Variants in CBLB observed in about 807,000 individuals in gnomAD.
CBLB encodes E3 ubiquitin-protein ligase CBL-B.
CBLB carries 31 observed loss-of-function variants against 104.9 expected under a neutral mutation model. The ratio of observed to expected loss-of-function variants is 0.30; its 90% CI spans 0.22 to 0.40. CBLB has a LOEUF of 0.40. CBLB is among the 10% of genes least tolerant of loss of function. CBLB has a pLI of 1.00. For missense variants in CBLB, 1,062 were observed against 1,214.6 expected (o/e 0.87, Z 1.87); for synonymous variants, 440 against 422.6 (o/e 1.04, Z -0.51).
chr3:105,866,039 AAGTT>A (rs2092409831), intron 2 of CBLB, among the ~76,000 whole-genome samples: 1 of 152,210 alleles, frequency 6.6e-6, no homozygotes, highest in African/African-American at 2.4e-5. Flanking sequence ...CCCAAGCAGC[AAGTT>A]GCAATATTCT....
intron 2 of CBLB, among the ~76,000 whole-genome samples, chr3:105,854,971 T>C (rs2091423749): frequency 6.6e-6 from 1 of 152,138 alleles, no homozygotes; most frequent in Non-Finnish European, 1.5e-5. Flanking sequence ...TAAAGCCTCC[T>C]GTTGGGTGGC....
chr3:105,691,420 C>G (rs778102672), intron 13 of CBLB, among the ~76,000 whole-genome samples: 5 of 152,168 alleles, frequency 3.3e-5, no homozygotes, highest in Admixed American at 6.5e-5. Context: ...AGAAAAAATA[C>G]ATTTTACTAT....
chr3:105,810,498 C>T (rs542781994), intron 3 of CBLB, among the ~76,000 whole-genome samples: 8 of 152,142 alleles, frequency 5.3e-5, no homozygotes, highest in South Asian at 2.1e-4. Flanking sequence ...GGTTTTTGCA[C>T]GGGTATAACT....
intron 3 of CBLB, among the ~76,000 whole-genome samples, chr3:105,836,594 G>A (rs923116665): frequency 1.1e-4 from 16 of 152,066 alleles, no homozygotes; most frequent in East Asian, 3.9e-4. Flanking sequence ...GGCAAGTTTC[G>A]GAACCACAGT....
At chr3:105,668,286 T>C (rs1465384162) in intron 18 of CBLB, among the ~76,000 whole-genome samples, 1 of 152,168 alleles carries the variant, frequency 6.6e-6, no homozygotes, top group South Asian at 2.1e-4. Flanking sequence ...GTAATGCTAA[T>C]AGGGATTCAT....
At position 105,702,226 on chromosome 3, in the gene CBLB, G is replaced by A. The variant is rs745626621; in HGVS notation, c.1827C>T (p.Leu609=). ...CAGGTTTTGGAGAGCCCTCCCCTAG[G>A]AGTCGACATCCCACAAGCTGATTAG... The part of the protein sequence containing the change: ...FGTNQLVGCR[L]LGEGSPKPGI... The change falls in exon 12 of 19, where the codon CTC becomes CTT. Residue 609 remains leucine (L), a synonymous_variant. Transcript: ENST00000394030. 1 of 1,614,054 alleles carries A rather than the reference G, an allele frequency of 6.2e-7. No individual in the cohort carries two copies. The highest frequency in any genetic ancestry group is 1.3e-5 in the African/African-American group (1 of 75,004).
At chr3:105,681,355 C>T in intron 16 of CBLB, 124 bp downstream of exon 16, 1 of 925,730 alleles carries the variant, frequency 1.1e-6, no homozygotes, top group South Asian at 1.5e-5. Flanking sequence ...CTGGAGAACC[C>T]ATTCAAATTT....
At chr3:105,768,417 A>G (rs927586140) in intron 4 of CBLB, among the ~76,000 whole-genome samples, 1 of 152,224 alleles carries the variant, frequency 6.6e-6, no homozygotes, top group African/African-American at 2.4e-5. Context: ...TGAAGAACAG[A>G]ACATAAGTAA....
chr3:105,764,493 A>T (rs958790074), intron 4 of CBLB, among the ~76,000 whole-genome samples: 2 of 152,158 alleles, frequency 1.3e-5, no homozygotes, highest in Admixed American at 1.3e-4. Context: ...CCCATGTAAG[A>T]CAGCAAACTT....
intron 9 of CBLB, 135 bp from the exon 10 acceptor site, chr3:105,720,385 C>T (rs1172311547): frequency 1.3e-6 from 1 of 745,932 alleles, no homozygotes; most frequent in Non-Finnish European, 2.3e-6. Context: ...GAAGATTTCT[C>T]TTGAAGTGGT....
At chr3:105,780,084 C>CA (rs2079996225) in intron 3 of CBLB, among the ~76,000 whole-genome samples, 2 of 151,916 alleles carry the variant, frequency 1.3e-5, no homozygotes, top group East Asian at 3.9e-4. Flanking sequence ...AACTCCTGAC[C>CA]TCAGGTGATC....
intron 13 of CBLB, among the ~76,000 whole-genome samples, chr3:105,688,495 A>T (rs1380829604): frequency 6.6e-6 from 1 of 152,228 alleles, no homozygotes; most frequent in East Asian, 1.9e-4. Context: ...ATCCAATGCT[A>T]TGCTTAATTA....
At chr3:105,778,819 C>CAT (rs2079795984) in intron 3 of CBLB, among the ~76,000 whole-genome samples, 1 of 152,118 alleles carries the variant, frequency 6.6e-6, no homozygotes, top group African/African-American at 2.4e-5. Context: ...TTTATGTTAA[C>CAT]ATATCCTCAA....
chr3:105,838,082 T>C (rs978331537), intron 3 of CBLB, among the ~76,000 whole-genome samples: 1 of 80,278 alleles, frequency 1.2e-5, no homozygotes, highest in Admixed American at 1.6e-4. Context: ...TTCCTTTTTT[T>C]CTTTTTTTTT....
At chr3:105,800,679 A>C (rs564499111) in intron 3 of CBLB, among the ~76,000 whole-genome samples, 7 of 151,222 alleles carry the variant, frequency 4.6e-5, no homozygotes, top group Admixed American at 2.6e-4. Flanking sequence ...ATATACACAA[A>C]CCCCCCCACC....
At chr3:105,780,669 T>TTTG (rs2080132915) in intron 3 of CBLB, among the ~76,000 whole-genome samples, 1 of 131,770 alleles carries the variant, frequency 7.6e-6, no homozygotes, top group Admixed American at 8.0e-5. Flanking sequence ...TGTTTTTTTT[T>TTTG]TTTTTTTTTT....
chr3:105,818,590 AT>A (rs544512095), intron 3 of CBLB, among the ~76,000 whole-genome samples: 16 of 152,280 alleles, frequency 1.1e-4, no homozygotes, highest in African/African-American at 2.4e-4. Flanking sequence ...CAGCAAAAAA[AT>A]CATGAATAAT....
chr3:105,670,776 C>T (rs1259892718), intron 17 of CBLB: 1 of 181,438 alleles, frequency 5.5e-6, no homozygotes, highest in Non-Finnish European at 1.2e-5. Context: ...TATCAAATTA[C>T]TTGATCTCTC....
chr3:105,854,658 A>T (rs1024530227), intron 2 of CBLB, among the ~76,000 whole-genome samples: 2 of 150,652 alleles, frequency 1.3e-5, no homozygotes, highest in African/African-American at 2.4e-5. Flanking sequence ...TTTAAGACGG[A>T]GTCTCATTCT....
Sources: gnomAD v4.1 joint callset for allele counts (sites outside exome capture counted in the v4.1 genomes callset) on GRCh38, gnomAD v4.1.1 for gene constraint, MANE v1.5 for transcripts, NCBI Gene and HGNC (gene_info 2026-07-23, HGNC 2026-07-21) for gene names.